Variants in MAML2 observed in about 807,000 individuals in gnomAD.
MAML2 encodes the protein mastermind like transcriptional coactivator 2.
MAML2 carries 22 observed loss-of-function variants against 96.1 expected under a neutral mutation model. That is an observed-to-expected ratio of 0.23 (90% CI 0.16 to 0.33). The LOEUF is 0.33. MAML2 is among the 10% of genes least tolerant of loss of function. MAML2 has a pLI of 1.00. For missense variants in MAML2, 1,367 were observed against 1,392.4 expected, an observed-to-expected ratio of 0.98 and a Z score of 0.29; for synonymous variants, 561 against 521.3, an observed-to-expected ratio of 1.08 and a Z score of -1.04.
chr11:96,273,022 A>G (rs1452782869), intron 1 of MAML2, among the ~76,000 whole-genome samples: 1 of 152,196 alleles, frequency 6.6e-6, no homozygotes, highest in Non-Finnish European at 1.5e-5. Flanking sequence ...AGCCCCTACT[A>G]TATGTGTTTC....
chr11:96,164,963 C>A (rs1424696600), intron 1 of MAML2, among the ~76,000 whole-genome samples: 1 of 152,074 alleles, frequency 6.6e-6, no homozygotes, highest in African/African-American at 2.4e-5. Context: ...CAAGAACTTT[C>A]CATTATATAA....
chr11:96,167,940 T>C (rs2135896816), intron 1 of MAML2, among the ~76,000 whole-genome samples: 1 of 152,364 alleles, frequency 6.6e-6, no homozygotes, highest in South Asian at 2.1e-4. Flanking sequence ...TGTAATGACC[T>C]ATGTATATGT....
intron 1 of MAML2, among the ~76,000 whole-genome samples, chr11:96,278,931 C>T (rs1377244892): frequency 6.6e-6 from 1 of 152,048 alleles, no homozygotes; most frequent in African/African-American, 2.4e-5. Context: ...AAGGAGCTAA[C>T]ATTGTGGCAG....
intron 1 of MAML2, among the ~76,000 whole-genome samples, chr11:96,113,181 A>AC (rs775504995): frequency 0.33 from 26,898 of 82,206 alleles, 2,806 homozygotes; most frequent in South Asian, 0.4. Context: ...ACAAAAAAAA[A>AC]AAAAAAAAAC....
rs573776300 is a variant in MAML2 at position 96,212,569 on chromosome 11, C to G, written c.514-119052G>C. ...TTGTCATCATCTTATCAGTCAGCAG[C>G]AGTGGGTGAGCCTCCTCTCAAGAGA... On this transcript the variant is annotated intron_variant, in intron 1 of 4. Transcript: ENST00000524717. Among the ~76,000 whole-genome samples, 3 of 152,318 alleles carry G rather than the reference C, an allele frequency of 2.0e-5. No homozygotes were observed. The East Asian group carries it at 5.8e-4, about 29-fold the overall frequency.
chr11:96,121,205 T>C (rs1395041609), intron 1 of MAML2, among the ~76,000 whole-genome samples: 1 of 152,176 alleles, frequency 6.6e-6, no homozygotes, highest in African/African-American at 2.4e-5. Flanking sequence ...ACCCCATCTT[T>C]GGCCCTGGGA....
chr11:96,104,520 G>C (rs1433654975), intron 1 of MAML2, among the ~76,000 whole-genome samples: 1 of 152,162 alleles, frequency 6.6e-6, no homozygotes, highest in Admixed American at 6.5e-5. Context: ...TCCTAGTAGA[G>C]GGAGCCTGAA....
chr11:96,250,538 C>T (rs913184384), intron 1 of MAML2, among the ~76,000 whole-genome samples: 1 of 152,192 alleles, frequency 6.6e-6, no homozygotes, highest in Non-Finnish European at 1.5e-5. Flanking sequence ...TAATAAATAT[C>T]TCCCTATCCC....
At chr11:96,243,851 C>T (rs1021392514) in intron 1 of MAML2, among the ~76,000 whole-genome samples, 3 of 152,116 alleles carry the variant, frequency 2.0e-5, no homozygotes, top group Admixed American at 2.0e-4. Context: ...GAAAGGGTTT[C>T]ACCGTGTTAG....
intron 1 of MAML2, among the ~76,000 whole-genome samples, chr11:96,264,096 T>G (rs183580627): frequency 2.4e-4 from 37 of 152,346 alleles, no homozygotes; most frequent in African/African-American, 8.4e-4. Flanking sequence ...GTCTCTTGTT[T>G]GGGCTATTGT....
At chr11:96,275,505 G>A (rs900138722) in intron 1 of MAML2, among the ~76,000 whole-genome samples, 1 of 151,940 alleles carries the variant, frequency 6.6e-6, no homozygotes, top group Non-Finnish European at 1.5e-5. Context: ...TCCTGACCTC[G>A]TGATCCACCC....
At position 96,272,266 on chromosome 11, in the gene MAML2, C is replaced by T. The variant is rs74718457; in HGVS notation, c.513+69117G>A. On this transcript the variant is annotated intron_variant, in intron 1 of 4. Coordinates refer to ENST00000524717, the MANE Select transcript of MAML2 (RefSeq NM_032427.4). The stretch of plus-strand genomic sequence containing the variant: ...TGCTCAACATGTGCCTACTACAGTG[C>T]CTGGCATATAGTAGGACTCAATAAA... Among the ~76,000 whole-genome samples the T allele has an allele frequency of 7.0e-3, 1,068 of 152,190 alleles. 14 individuals carry two copies. Among genetic ancestry groups the T allele is most frequent in the African/African-American group, 0.024 (991 of 41,530 alleles).
At chr11:96,315,939 C>G (rs557290627) in intron 1 of MAML2, among the ~76,000 whole-genome samples, 25 of 152,324 alleles carry the variant, frequency 1.6e-4, no homozygotes, top group Admixed American at 9.8e-4. Flanking sequence ...GCCAAAAGCA[C>G]CAGTCAACTG....
At chr11:96,171,982 A>G (rs539282070) in intron 1 of MAML2, among the ~76,000 whole-genome samples, 1 of 152,228 alleles carries the variant, frequency 6.6e-6, no homozygotes, top group Non-Finnish European at 1.5e-5. Flanking sequence ...CATGCCTTCC[A>G]TGTCTTGGGT....
Position 96,319,511 on chromosome 11 carries a change from T to C in MAML2, c.513+21872A>G, listed in dbSNP as rs573960845. 2.6e-5 allele frequency among the ~76,000 whole-genome samples: 4 copies of C among 152,346 alleles called. 1 individual carries two copies. In the South Asian group the frequency reaches 8.3e-4, roughly 32 times the overall value. On this transcript the variant is annotated intron_variant, in intron 1 of 4. Coordinates refer to ENST00000524717, the MANE Select transcript of MAML2 (RefSeq NM_032427.4). ...ATCTTCTGAACAAAAAGTCATGCCA[T>C]CAGAGAATTTTAAAATAATAGCTCA...
At chr11:96,187,056 C>T (rs917364684) in intron 1 of MAML2, among the ~76,000 whole-genome samples, 51 of 152,180 alleles carry the variant, frequency 3.4e-4, no homozygotes, top group African/African-American at 1.2e-3. Flanking sequence ...ATTCCTGGTG[C>T]CCTGAGTAAT....
At chr11:96,244,268 A>T (rs975103322) in intron 1 of MAML2, among the ~76,000 whole-genome samples, 1 of 152,234 alleles carries the variant, frequency 6.6e-6, no homozygotes, top group Non-Finnish European at 1.5e-5. Context: ...TGCACACAAC[A>T]ATGGTATCTT....
intron 2 of MAML2, among the ~76,000 whole-genome samples, chr11:96,068,808 C>T (rs1053471905): frequency 7.1e-6 from 1 of 140,580 alleles, no homozygotes; most frequent in African/African-American, 2.7e-5. Context: ...CCAGCCTGGG[C>T]GACAGAGCAA....
chr11:96,264,294 C>CGT (rs373359493), intron 1 of MAML2, among the ~76,000 whole-genome samples: 12 of 152,058 alleles, frequency 7.9e-5, no homozygotes, highest in African/African-American at 2.2e-4. Flanking sequence ...TTTATAAGGC[C>CGT]CAGACCCCCA....
Sources: allele counts gnomAD v4.1 joint callset (sites outside exome capture counted in the v4.1 genomes callset), GRCh38; gene constraint gnomAD v4.1.1; transcripts MANE v1.5; gene names NCBI Gene and HGNC (gene_info 2026-07-23, HGNC 2026-07-21).